CTNNA2: variants seen among roughly 807,000 people sequenced by gnomAD.
CTNNA2 encodes catenin alpha 2.
In CTNNA2, 42 loss-of-function variants were observed where a neutral mutation model predicts 101.0. The observed-to-expected ratio is 0.42, with a 90% CI of 0.32 to 0.54. The LOEUF (loss-of-function observed/expected upper bound fraction) is 0.54, where lower values mean the gene tolerates loss of function less well. Among genes scored for constraint, CTNNA2 ranks in the 20% least tolerant of loss-of-function variants. The pLI is 0.14. For missense variants in CTNNA2, 871 were observed against 1,223.1 expected (o/e 0.71, Z 4.29); for synonymous variants, 450 against 456.4 (o/e 0.99, Z 0.18).
At chr2:79,638,381 T>C (rs1680221873) in intron 1 of CTNNA2, among the ~76,000 whole-genome samples, 1 of 152,208 alleles carries the variant, frequency 6.6e-6, no homozygotes, top group Admixed American at 6.5e-5. Flanking sequence ...TTTTTACATA[T>C]GATTTTCTGT....
At chr2:80,459,976 T>C (rs774656954) in intron 9 of CTNNA2, among the ~76,000 whole-genome samples, 1 of 152,118 alleles carries the variant, frequency 6.6e-6, no homozygotes, top group Non-Finnish European at 1.5e-5. Context: ...GCACTGAGAC[T>C]CAAAATAATT....
At chr2:80,054,121 G>A (rs1356968322) in intron 7 of CTNNA2, among the ~76,000 whole-genome samples, 1 of 152,190 alleles carries the variant, frequency 6.6e-6, no homozygotes, top group Non-Finnish European at 1.5e-5. Context: ...TCTTTACGTT[G>A]TATGCCACTG....
intron 9 of CTNNA2, among the ~76,000 whole-genome samples, chr2:80,465,914 G>A (rs1446862121): frequency 6.6e-6 from 1 of 151,998 alleles, no homozygotes; most frequent in African/African-American, 2.4e-5. Flanking sequence ...AATGAAGTAG[G>A]CATTCTTCTA....
intron 7 of CTNNA2, among the ~76,000 whole-genome samples, chr2:80,285,354 C>T (rs955594795): frequency 5.3e-5 from 8 of 152,160 alleles, no homozygotes; most frequent in Admixed American, 3.9e-4. Context: ...ATTATACATT[C>T]GGTGGGACTA....
In CTNNA2 at chr2:79,456,417, G is replaced by A. The variant is rs557498955; in HGVS notation, c.-134-48637G>A. ...ATTTAATTTATATTTTTATTTGCACGAATTCAATGCACAAATATTAAATAC... is the reference window on the plus strand; with the variant it reads ...ATTTAATTTATATTTTTATTTGCACAAATTCAATGCACAAATATTAAATAC... On this transcript the variant is annotated intron_variant, in intron 4 of 21. Coordinates refer to the CTNNA2 transcript ENST00000466387. 1.6e-4 allele frequency among the ~76,000 whole-genome samples: 25 copies of A among 151,894 alleles called. 1 individual carries two copies. In the South Asian group the frequency reaches 4.8e-3, roughly 29 times the overall value.
intron 2 of CTNNA2, among the ~76,000 whole-genome samples, chr2:79,270,463 A>G (rs1470389968): frequency 6.6e-6 from 1 of 152,006 alleles, no homozygotes. Context: ...TGCTTTGCTA[A>G]TTCTTGGTAA....
chr2:80,262,287 C>T (rs1672669103), intron 7 of CTNNA2, among the ~76,000 whole-genome samples: 1 of 151,972 alleles, frequency 6.6e-6, no homozygotes, highest in South Asian at 2.1e-4. Flanking sequence ...ATAATCTTTC[C>T]ATTTGTTAAT....
rs1706505694 is a variant in CTNNA2 at position 80,191,584 on chromosome 2, G to C, written c.1057-201627G>C. Among the ~76,000 whole-genome samples, 3 of 152,136 alleles carry C rather than the reference G, an allele frequency of 2.0e-5. No individual in the cohort carries two copies. The South Asian group carries it at 6.2e-4, about 32-fold the overall frequency. On this transcript the variant is annotated intron_variant, in intron 7 of 18. Transcript: ENST00000402739. ...TCCAACTGGAAATCAAGTAATCTCA[G>C]TATATACTCAACTTCAGATGTAGTC... is the stretch of plus-strand genomic sequence containing the variant.
At chr2:80,319,902 T>C (rs1678513244) in intron 7 of CTNNA2, among the ~76,000 whole-genome samples, 1 of 152,232 alleles carries the variant, frequency 6.6e-6, no homozygotes, top group African/African-American at 2.4e-5. Context: ...TGTCTCTTCC[T>C]GCAGCCTGCT....
chr2:80,276,703 G>A (rs764012704), intron 7 of CTNNA2, among the ~76,000 whole-genome samples: 23 of 151,950 alleles, frequency 1.5e-4, no homozygotes, highest in Non-Finnish European at 2.5e-4. Context: ...GAGGAGGGAT[G>A]TGCCAGACTC....
intron 4 of CTNNA2, among the ~76,000 whole-genome samples, chr2:79,459,959 G>A (rs60000556): frequency 0.11 from 17,243 of 151,988 alleles, 1,250 homozygotes; most frequent in East Asian, 0.25. Context: ...TCTTCTTCTA[G>A]TAGAATGTCA....
intron 2 of CTNNA2, among the ~76,000 whole-genome samples, chr2:79,279,247 A>G (rs1675296376): frequency 6.6e-6 from 1 of 152,092 alleles, no homozygotes; most frequent in Non-Finnish European, 1.5e-5. Flanking sequence ...GACCTAAGTA[A>G]CTGGGGTTGT....
intron 3 of CTNNA2, among the ~76,000 whole-genome samples, chr2:79,347,980 GAGA>G (rs1053550856): frequency 9.9e-5 from 15 of 151,966 alleles, no homozygotes; most frequent in African/African-American, 3.6e-4. Context: ...AGGATCCAGA[GAGA>G]AGAACAGTTG....
chr2:79,277,765 G>A (rs1259220544), intron 2 of CTNNA2, among the ~76,000 whole-genome samples: 1 of 152,036 alleles, frequency 6.6e-6, no homozygotes, highest in African/African-American at 2.4e-5. Context: ...GGGAAAAAGT[G>A]GCGAATGGGA....
Position 79,977,226 on chromosome 2 carries a change from A to G in CTNNA2, c.1056+67429A>G, listed in dbSNP as rs937204158. Among the ~76,000 whole-genome samples, 33 of 148,726 alleles carry G rather than the reference A, an allele frequency of 2.2e-4. No individual in the cohort carries two copies. In the East Asian group the frequency reaches 4.6e-3, roughly 21 times the overall value. On this transcript the variant is annotated intron_variant, in intron 7 of 18. Coordinates refer to ENST00000402739, the MANE Select transcript of CTNNA2 (RefSeq NM_001282597.3). ...CACGTGCACATGCATATGCATGCAC[A>G]CACACACACACACACACACACACAC... is the stretch of plus-strand genomic sequence containing the variant.
chr2:80,208,781 A>G (rs977894844), intron 7 of CTNNA2, among the ~76,000 whole-genome samples: 1 of 152,182 alleles, frequency 6.6e-6, no homozygotes, highest in Admixed American at 6.5e-5. Flanking sequence ...CCCATGAATC[A>G]TCCGTTGTGT....
At chr2:80,420,429 C>G (rs2149407771) in intron 9 of CTNNA2, among the ~76,000 whole-genome samples, 1 of 152,224 alleles carries the variant, frequency 6.6e-6, no homozygotes, top group South Asian at 2.1e-4. Context: ...CCAGGTTAAA[C>G]TTTTACAGGC....
intron 4 of CTNNA2, among the ~76,000 whole-genome samples, chr2:79,860,546 G>GTTTTTTGTTTTTTTTT (rs1681521309): frequency 9.3e-6 from 1 of 107,180 alleles, no homozygotes; most frequent in African/African-American, 3.7e-5. Context: ...AGTAAGGGAA[G>GTTTTTTGTTTTTTTTT]TTTTTTTTTT....
intron 1 of CTNNA2, among the ~76,000 whole-genome samples, chr2:79,597,835 T>A (rs1677301126): frequency 1.3e-5 from 2 of 152,180 alleles, no homozygotes; most frequent in South Asian, 4.1e-4. Flanking sequence ...CTTGATGGTG[T>A]GTATTCTATG....
Sources: allele counts gnomAD v4.1 joint callset (sites outside exome capture counted in the v4.1 genomes callset), GRCh38; gene constraint gnomAD v4.1.1; transcripts MANE v1.5; gene names NCBI Gene and HGNC (gene_info 2026-07-23, HGNC 2026-07-21).